Variants in ATP8A2 observed in about 807,000 individuals in gnomAD.
The protein encoded by ATP8A2 is phospholipid-transporting ATPase IB.
ATP8A2 carries 100 observed loss-of-function variants against 165.6 expected under a neutral mutation model. The observed-to-expected ratio is 0.60, with a 90% CI of 0.51 to 0.71. The LOEUF (loss-of-function observed/expected upper bound fraction) is 0.71. Among genes scored for constraint, ATP8A2 ranks in the 30% least tolerant of loss-of-function variants. The probability of loss-of-function intolerance (pLI) is 0.00; values close to 1 mark genes in which losing one functional copy is unlikely to be tolerated. For missense variants in ATP8A2, 1,227 were observed against 1,479.5 expected, an observed-to-expected ratio of 0.83 and a Z score of 2.80; for synonymous variants, 543 against 548.8, an observed-to-expected ratio of 0.99 and a Z score of 0.15.
At chr13:25,672,237 G>GT (rs1314583423) in intron 24 of ATP8A2, among the ~76,000 whole-genome samples, 4 of 152,072 alleles carry the variant, frequency 2.6e-5, no homozygotes, top group Non-Finnish European at 5.9e-5. Flanking sequence ...GAAGATTCCA[G>GT]TTTTTTTCAT....
At chr13:25,430,568 C>T (rs768142425) in intron 1 of ATP8A2, among the ~76,000 whole-genome samples, 2 of 152,042 alleles carry the variant, frequency 1.3e-5, no homozygotes, top group Non-Finnish European at 2.9e-5. Context: ...TTTTGAGAGG[C>T]AAATGAGGGG....
At chr13:25,990,092 C>A (rs1956355647) in intron 35 of ATP8A2, among the ~76,000 whole-genome samples, 1 of 152,176 alleles carries the variant, frequency 6.6e-6, no homozygotes, top group Admixed American at 6.5e-5. Flanking sequence ...GAGCCTCTGG[C>A]AGGAGAAAGG....
At chr13:26,009,076 A>T (rs977953984) in intron 35 of ATP8A2, among the ~76,000 whole-genome samples, 3 of 152,218 alleles carry the variant, frequency 2.0e-5, no homozygotes, top group African/African-American at 7.2e-5. Context: ...TTTCTTTTTT[A>T]TGGAAGGGAG....
intron 25 of ATP8A2, among the ~76,000 whole-genome samples, chr13:25,763,829 T>G (rs1407534032): frequency 6.6e-6 from 1 of 152,142 alleles, no homozygotes; most frequent in African/African-American, 2.4e-5. Context: ...ACTAAATGCA[T>G]CTGAAGAAAG....
intron 27 of ATP8A2, among the ~76,000 whole-genome samples, chr13:25,801,076 CT>C (rs1747411329): frequency 1.3e-5 from 2 of 152,116 alleles, no homozygotes. Context: ...GGGTTATTGT[CT>C]GAATAACATA....
intron 27 of ATP8A2, among the ~76,000 whole-genome samples, chr13:25,807,288 AT>A (rs1566158201): frequency 2.6e-5 from 4 of 151,382 alleles, no homozygotes. Flanking sequence ...ACTTTACTCC[AT>A]TTTCTTGTAG....
chr13:25,748,761 G>A (rs1162237483), intron 25 of ATP8A2, among the ~76,000 whole-genome samples: 1 of 152,162 alleles, frequency 6.6e-6, no homozygotes, highest in Non-Finnish European at 1.5e-5. Flanking sequence ...CCACTTTGAG[G>A]TGAGCCATTA....
At chr13:25,688,524 A>G (rs1325443884) in intron 24 of ATP8A2, among the ~76,000 whole-genome samples, 2 of 152,234 alleles carry the variant, frequency 1.3e-5, no homozygotes, top group Non-Finnish European at 2.9e-5. Context: ...AAGTTTATGT[A>G]TAATAGAGTG....
rs1346428187 is a variant in ATP8A2, at chr13:25,829,646, T to G, written c.2754+1454T>G. ...TGCTGAGACCTAGGAGAGATTTTGT[T>G]GTAGAGCCAAGGACAGGTGTGGTAT... On this transcript the variant is annotated intron_variant, in intron 28 of 36. Transcript: ENST00000381655. Among the ~76,000 whole-genome samples, 14 of 123,062 alleles carry G rather than the reference T, an allele frequency of 1.1e-4. 1 individual carries two copies. The highest frequency in any genetic ancestry group is 1.7e-5 in the Non-Finnish European group (1 of 59,352). 80.7% of individuals were successfully genotyped at this position (123,062 alleles called of 152,430 possible).
rs574246824 is a variant in ATP8A2, at chr13:25,632,468, C to T, written c.2211+42769C>T. Among the ~76,000 whole-genome samples the T allele has an allele frequency of 1.2e-4, 19 of 152,276 alleles. No homozygotes were observed. In the South Asian group the frequency reaches 3.1e-3, roughly 25 times the overall value. The stretch of plus-strand genomic sequence containing the variant: ...CACTGGTAGCCATCTCATTAACATG[C>T]GAAAGACATCACTCTTGAGATTCCA... On this transcript the variant is annotated intron_variant, in intron 24 of 36. Transcript: ENST00000381655.
At chr13:25,477,067 G>T (rs1415454475) in intron 2 of ATP8A2, among the ~76,000 whole-genome samples, 1 of 152,138 alleles carries the variant, frequency 6.6e-6, no homozygotes, top group African/African-American at 2.4e-5. Flanking sequence ...TCAGCATTGG[G>T]CCAGTTTTAT....
In ATP8A2 at chr13:25,459,037, G is replaced by A. The variant is rs147020840; in HGVS notation, c.77-9940G>A. Among the ~76,000 whole-genome samples the A allele has an allele frequency of 6.6e-5, 10 of 152,258 alleles. No homozygotes were observed. The East Asian group carries it at 1.7e-3, about 26-fold the overall frequency. ...GACATAATCCAAATGCCAGCAAGGG[G>A]ACCAGGGATGTCATTCTGCAGACCA... On this transcript the variant is annotated intron_variant, in intron 1 of 36. Coordinates refer to ENST00000381655, the MANE Select transcript of ATP8A2 (RefSeq NM_016529.6).
chr13:25,438,669 T>C (rs2034846405), intron 1 of ATP8A2, among the ~76,000 whole-genome samples: 1 of 151,546 alleles, frequency 6.6e-6, no homozygotes, highest in African/African-American at 2.4e-5. Flanking sequence ...AAGAGAGAGA[T>C]AAGAAAAGAA....
At chr13:25,713,474 T>C (rs2043193618) in intron 25 of ATP8A2, among the ~76,000 whole-genome samples, 1 of 152,234 alleles carries the variant, frequency 6.6e-6, no homozygotes. Flanking sequence ...GCTACAGCTT[T>C]CATGTAGACG....
chr13:25,896,499 C>T (rs1377745436), intron 33 of ATP8A2, among the ~76,000 whole-genome samples: 10 of 149,550 alleles, frequency 6.7e-5, no homozygotes, highest in Non-Finnish European at 1.2e-4. Flanking sequence ...CTGAGAATAA[C>T]GTATATTCTG....
chr13:25,655,848 G>A (rs78452901), intron 24 of ATP8A2, among the ~76,000 whole-genome samples: 5,236 of 152,194 alleles, frequency 0.034, 153 homozygotes, highest in East Asian at 0.13. Flanking sequence ...AATGGGATAC[G>A]TACCTTATGT....
intron 24 of ATP8A2, among the ~76,000 whole-genome samples, chr13:25,654,980 ATG>A (rs2041895951): frequency 6.6e-6 from 1 of 152,170 alleles, no homozygotes; most frequent in Non-Finnish European, 1.5e-5. Flanking sequence ...CCGAAGGGTG[ATG>A]TGGACAGGTG....
intron 1 of ATP8A2, among the ~76,000 whole-genome samples, chr13:25,413,119 A>G (rs892195866): frequency 1.8e-4 from 27 of 152,072 alleles, no homozygotes; most frequent in African/African-American, 6.5e-4. Flanking sequence ...TGCTGGCCCT[A>G]AAGGGATCAG....
intron 24 of ATP8A2, chr13:25,591,137 G>GTGTC (rs2040063786): frequency 5.5e-6 from 2 of 364,916 alleles, no homozygotes; most frequent in South Asian, 4.2e-5. Flanking sequence ...AATACTATGT[G>GTGTC]TGTGTGTGTG....
Sources: allele counts gnomAD v4.1 joint callset (sites outside exome capture counted in the v4.1 genomes callset), GRCh38; gene constraint gnomAD v4.1.1; transcripts MANE v1.5; gene names NCBI Gene and HGNC (gene_info 2026-07-23, HGNC 2026-07-21).